Variants in SKAP1 observed in about 807,000 individuals in gnomAD.
The protein encoded by SKAP1 is src kinase associated phosphoprotein 1.
Under a neutral mutation model 58.5 loss-of-function variants are expected in SKAP1, and 44 were observed. The observed-to-expected ratio is 0.75, with a 90% CI of 0.59 to 0.97. The LOEUF (loss-of-function observed/expected upper bound fraction) is 0.97. Ranked by LOEUF, SKAP1 falls within the 50% of genes least tolerant of loss-of-function variation. The probability of loss-of-function intolerance (pLI) is 0.00; values close to 1 mark genes in which losing one functional copy is unlikely to be tolerated. For missense variants in SKAP1, 390 were observed against 435.2 expected, an observed-to-expected ratio of 0.90 and a Z score of 0.92; for synonymous variants, 127 against 149.7, an observed-to-expected ratio of 0.85 and a Z score of 1.11.
chr17:48,402,478 T>C (rs964449845), intron 1 of SKAP1, among the ~76,000 whole-genome samples: 3 of 152,064 alleles, frequency 2.0e-5, no homozygotes, highest in African/African-American at 7.2e-5. Context: ...TACAGGTGCA[T>C]GCCACCATGC....
chr17:48,178,943 G>A (rs1243513023), intron 9 of SKAP1, among the ~76,000 whole-genome samples: 2 of 152,154 alleles, frequency 1.3e-5, no homozygotes, highest in East Asian at 3.8e-4. Flanking sequence ...AGGGACATGT[G>A]GTCACAGTCC....
intron 2 of SKAP1, among the ~76,000 whole-genome samples, chr17:48,371,803 C>T (rs978315633): frequency 1.4e-4 from 21 of 148,994 alleles, no homozygotes; most frequent in African/African-American, 5.2e-4. Context: ...TACCACTGCA[C>T]TCCAGCCTGG....
intron 10 of SKAP1, among the ~76,000 whole-genome samples, chr17:48,167,541 C>T (rs2064156789): frequency 6.6e-6 from 1 of 152,112 alleles, no homozygotes; most frequent in South Asian, 2.1e-4. Flanking sequence ...GAGAAGGGGG[C>T]CTCAGAGATG....
chr17:48,324,013 T>C (rs1399653703), intron 4 of SKAP1, among the ~76,000 whole-genome samples: 2 of 152,116 alleles, frequency 1.3e-5, no homozygotes, highest in East Asian at 1.9e-4. Context: ...CAACACTTAT[T>C]TAATGTCACA....
At chr17:48,309,378 T>C (rs1327022281) in intron 4 of SKAP1, among the ~76,000 whole-genome samples, 8 of 152,160 alleles carry the variant, frequency 5.3e-5, no homozygotes, top group Admixed American at 4.6e-4. Flanking sequence ...GCTTCTAACA[T>C]AAATAAATGT....
At chr17:48,360,053 A>G (rs1410156154) in intron 3 of SKAP1, among the ~76,000 whole-genome samples, 2 of 152,230 alleles carry the variant, frequency 1.3e-5, no homozygotes, top group African/African-American at 4.8e-5. Context: ...CACCACTCAT[A>G]GAGATACTCA....
chr17:48,424,701 G>A (rs1371527672), intron 1 of SKAP1, among the ~76,000 whole-genome samples: 6 of 151,020 alleles, frequency 4.0e-5, no homozygotes, highest in Non-Finnish European at 5.9e-5. Flanking sequence ...TTGGGAGGCC[G>A]AGGCAGGCGG....
At chr17:48,195,537 T>C (rs1248720252) in intron 4 of SKAP1, among the ~76,000 whole-genome samples, 1 of 152,180 alleles carries the variant, frequency 6.6e-6, no homozygotes, top group East Asian at 1.9e-4. Context: ...ATTTCAAAGA[T>C]ATAGAAAGCA....
intron 4 of SKAP1, among the ~76,000 whole-genome samples, chr17:48,335,971 T>C (rs1463501312): frequency 2.0e-5 from 3 of 152,190 alleles, no homozygotes; most frequent in African/African-American, 7.2e-5. Context: ...TTGAATTCAC[T>C]ACGTAAGCTC....
At chr17:48,412,852 T>G (rs2067681821) in intron 1 of SKAP1, among the ~76,000 whole-genome samples, 1 of 152,060 alleles carries the variant, frequency 6.6e-6, no homozygotes, top group Non-Finnish European at 1.5e-5. Flanking sequence ...ACTTTTCAAG[T>G]TTGCTCCATA....
At chr17:48,260,132 GAA>G (rs1320341352) in intron 4 of SKAP1, among the ~76,000 whole-genome samples, 1 of 152,062 alleles carries the variant, frequency 6.6e-6, no homozygotes, top group East Asian at 1.9e-4. Context: ...AGAAAAAAAT[GAA>G]AAGAGAGAAG....
At chr17:48,419,072 G>T (rs2067764600) in intron 1 of SKAP1, among the ~76,000 whole-genome samples, 1 of 151,832 alleles carries the variant, frequency 6.6e-6, no homozygotes, top group African/African-American at 2.4e-5. Context: ...AAGAAAGGGA[G>T]AAAAATGGAT....
chr17:48,303,263 T>C (rs1441375309), intron 4 of SKAP1, among the ~76,000 whole-genome samples: 3 of 152,048 alleles, frequency 2.0e-5, no homozygotes, highest in African/African-American at 4.8e-5. Context: ...CCAAGGCCAC[T>C]GTCCTGTGAT....
Sources: allele counts gnomAD v4.1 joint callset (sites outside exome capture counted in the v4.1 genomes callset), GRCh38; gene constraint gnomAD v4.1.1; transcripts MANE v1.5; gene names NCBI Gene and HGNC (gene_info 2026-07-23, HGNC 2026-07-21).